The following HSPA12A variants were observed in gnomAD, a reference collection of about 807,000 sequenced individuals.
HSPA12A encodes the protein heat shock protein family A (Hsp70) member 12A, also known as heat shock 70 kDa protein 12A.
HSPA12A carries 28 observed loss-of-function variants against 69.2 expected under a neutral mutation model. The observed-to-expected ratio is 0.40, with a 90% CI of 0.30 to 0.55. The LOEUF is 0.55. Ranked by LOEUF, HSPA12A falls within the 20% of genes least tolerant of loss-of-function variation. HSPA12A has a pLI of 0.38. For missense variants in HSPA12A, 686 were observed against 900.7 expected (o/e 0.76, Z 3.05); for synonymous variants, 345 against 370.5 (o/e 0.93, Z 0.79).
chr10:116,748,802 A>G (rs182325874), intron 2 of HSPA12A, among the ~76,000 whole-genome samples: 72 of 152,298 alleles, frequency 4.7e-4, no homozygotes, highest in African/African-American at 1.7e-3. Context: ...CTCCTGATCC[A>G]ATTACCTCCC....
upstream of HSPA12A, among the ~76,000 whole-genome samples, chr10:116,744,475 A>G (rs1589680951): frequency 6.6e-6 from 1 of 152,326 alleles, no homozygotes; most frequent in African/African-American, 2.4e-5. Flanking sequence ...CCTGCTGTGG[A>G]AGGGCCTTGG....
At chr10:116,813,149 G>A (rs1306805632) in intron 2 of HSPA12A, among the ~76,000 whole-genome samples, 2 of 152,006 alleles carry the variant, frequency 1.3e-5, no homozygotes, top group South Asian at 2.1e-4. Context: ...ACCTTTGGAC[G>A]GGGTAAGCCA....
chr10:116,805,265 G>C (rs192150834), intron 2 of HSPA12A, among the ~76,000 whole-genome samples: 1 of 152,124 alleles, frequency 6.6e-6, no homozygotes, highest in Non-Finnish European at 1.5e-5. Context: ...GCAGTGAGCC[G>C]AGATCGCGCC....
chr10:116,788,781 T>C (rs1844635223), intron 2 of HSPA12A, among the ~76,000 whole-genome samples: 1 of 152,068 alleles, frequency 6.6e-6, no homozygotes, highest in Non-Finnish European at 1.5e-5. Flanking sequence ...ACAGATAAAC[T>C]CACATAAATG....
chr10:116,762,956 T>A (rs1388477072), intron 2 of HSPA12A, among the ~76,000 whole-genome samples: 3 of 152,146 alleles, frequency 2.0e-5, no homozygotes, highest in African/African-American at 7.2e-5. Context: ...CTCATCCTTA[T>A]CTTGAACAAA....
chr10:116,705,352 C>T lies in HSPA12A; in HGVS notation c.127-74G>A, dbSNP rs192632299. The T allele has an allele frequency of 1.4e-4, 214 of 1,526,672 alleles. 1 individual carries two copies. The African/African-American group carries it at 2.5e-3, about 18-fold the overall frequency. 94.6% of individuals were successfully genotyped at this position (1,526,672 alleles called of 1,614,324 possible). ...TTTCAGGAAGACACCCCTGGGGGGT[C>T]TCACCTTGCCTAGCTGTGAACCCCC... On this transcript the variant is annotated intron_variant, in intron 2 of 11. Coordinates refer to ENST00000369209, the MANE Select transcript of HSPA12A (RefSeq NM_025015.3).
intron 6 of HSPA12A, among the ~76,000 whole-genome samples, chr10:116,690,124 A>T (rs1383517029): frequency 1.3e-5 from 2 of 152,218 alleles, no homozygotes; most frequent in African/African-American, 2.4e-5. Flanking sequence ...AAAGATGTTA[A>T]TTTTGCTCAT....
exon 1 of HSPA12A, chr10:116,849,678 G>C (rs1167802440): frequency 1.3e-6 from 2 of 1,549,532 alleles, no homozygotes; most frequent in Admixed American, 2.0e-5. Flanking sequence ...CAGGCTGGAA[G>C]AGCTGCTCAA....
At chr10:116,712,077 T>A (rs961530284) in intron 1 of HSPA12A, among the ~76,000 whole-genome samples, 1 of 152,250 alleles carries the variant, frequency 6.6e-6, no homozygotes, top group Non-Finnish European at 1.5e-5. Context: ...CAGACCTTTC[T>A]GGGAAACAAA....
chr10:116,728,618 A>G lies in HSPA12A; in HGVS notation c.40+13812T>C, dbSNP rs551253811. On this transcript the variant is annotated intron_variant, in intron 1 of 11. Coordinates refer to ENST00000369209, the MANE Select transcript of HSPA12A (RefSeq NM_025015.3). ...AGCACTGATTATCGCATTCTTTCCAACTGAGCCAGAGGTGACCTCAGAATC... is the reference window on the plus strand; with the variant it reads ...AGCACTGATTATCGCATTCTTTCCAGCTGAGCCAGAGGTGACCTCAGAATC... Among the ~76,000 whole-genome samples, 4 of 152,292 alleles carry G rather than the reference A, an allele frequency of 2.6e-5. No homozygotes were observed. In the South Asian group the frequency reaches 8.3e-4, roughly 32 times the overall value.
At chr10:116,695,299 A>G (rs1174394437) in intron 5 of HSPA12A, among the ~76,000 whole-genome samples, 1 of 152,108 alleles carries the variant, frequency 6.6e-6, no homozygotes, top group Non-Finnish European at 1.5e-5. Flanking sequence ...TGTACTCCCC[A>G]GTGCAACTGT....
intron 5 of HSPA12A, among the ~76,000 whole-genome samples, chr10:116,695,755 G>C (rs1457682818): frequency 3.3e-5 from 5 of 151,914 alleles, no homozygotes; most frequent in African/African-American, 9.7e-5. Context: ...GGCAGAGCTT[G>C]CAGTGAGCCA....
chr10:116,673,982 A>G lies in HSPA12A; in HGVS notation c.*799T>C, dbSNP rs1849156175. 6.6e-6 allele frequency: 1 copy of G among 152,176 alleles called. No individual in the cohort carries two copies. Among genetic ancestry groups the G allele is most frequent in the African/African-American group, 2.4e-5 (1 of 41,446 alleles). 9.4% of individuals were successfully genotyped at this position (152,176 alleles called of 1,614,324 possible). ...CTACTAAGGTTCACTAGAATTACTT[A>G]TGAACTCAGAAATCAGGGCTGGGCA... On this transcript the variant is annotated 3_prime_UTR_variant, in exon 12 of 12. Transcript: ENST00000369209.
At chr10:116,730,415 C>T (rs554420138) in intron 1 of HSPA12A, among the ~76,000 whole-genome samples, 10 of 152,300 alleles carry the variant, frequency 6.6e-5, no homozygotes, top group African/African-American at 1.9e-4. Flanking sequence ...GAGCTAAGCC[C>T]GTTTCACTCT....
intron 2 of HSPA12A, among the ~76,000 whole-genome samples, chr10:116,826,095 T>C (rs1845499976): frequency 6.6e-6 from 1 of 152,050 alleles, no homozygotes; most frequent in Non-Finnish European, 1.5e-5. Flanking sequence ...GGACCGCACA[T>C]GCCCCACCCC....
intron 4 of HSPA12A, among the ~76,000 whole-genome samples, chr10:116,700,209 C>T (rs537906853): frequency 1.3e-5 from 2 of 152,214 alleles, no homozygotes; most frequent in African/African-American, 4.8e-5. Flanking sequence ...CCCCAGAGTC[C>T]GTGTTCTTAA....
intron 2 of HSPA12A, among the ~76,000 whole-genome samples, chr10:116,757,236 C>T (rs1843869761): frequency 6.6e-6 from 1 of 152,192 alleles, no homozygotes; most frequent in African/African-American, 2.4e-5. Flanking sequence ...TCCTGGAGTT[C>T]TCTCTGTGAA....
intron 1 of HSPA12A, among the ~76,000 whole-genome samples, chr10:116,737,254 T>C (rs1554886517): frequency 6.6e-6 from 1 of 152,110 alleles, no homozygotes; most frequent in African/African-American, 2.4e-5. Context: ...ACAATGATAA[T>C]AAAATGACTG....
intron 9 of HSPA12A, among the ~76,000 whole-genome samples, chr10:116,680,708 A>T (rs190733559): frequency 6.6e-6 from 1 of 152,106 alleles, no homozygotes; most frequent in East Asian, 1.9e-4. Context: ...CTGGTCTCCA[A>T]CTCCTGACCT....
Sources: allele counts gnomAD v4.1 joint callset (sites outside exome capture counted in the v4.1 genomes callset), GRCh38; gene constraint gnomAD v4.1.1; transcripts MANE v1.5; gene names NCBI Gene and HGNC (gene_info 2026-07-23, HGNC 2026-07-21).